The following MAPK12 variants were observed in gnomAD, a reference collection of about 807,000 sequenced individuals.
The protein encoded by MAPK12 is MAP kinase 12.
MAPK12 carries 49 observed loss-of-function variants against 49.1 expected under a neutral mutation model. The ratio of observed to expected loss-of-function variants is 1.00; its 90% CI spans 0.79 to 1.27. The LOEUF (loss-of-function observed/expected upper bound fraction) is 1.27, where lower values mean the gene tolerates loss of function less well. Among genes scored for constraint, MAPK12 ranks in the 50% most tolerant of loss-of-function variants. The probability of loss-of-function intolerance (pLI) is 0.00; values close to 1 mark genes in which losing one functional copy is unlikely to be tolerated. For missense variants in MAPK12, 554 were observed against 502.4 expected (o/e 1.10, Z -0.98); for synonymous variants, 251 against 209.7 (o/e 1.20, Z -1.70).
intron 2 of MAPK12, among the ~76,000 whole-genome samples, chr22:50,258,771 T>TA (rs1156308697): frequency 6.6e-6 from 1 of 152,132 alleles, no homozygotes; most frequent in East Asian, 1.9e-4. Flanking sequence ...GTTGGGGAGA[T>TA]AGACAGTAGA....
chr22:50,261,489 G>A lies in MAPK12; in HGVS notation c.21C>T (p.Ala7=). 1.6e-6 allele frequency: 2 copies of A among 1,254,888 alleles called. No homozygotes were observed. 77.7% of individuals were successfully genotyped at this position (1,254,888 alleles called of 1,614,324 possible). The change falls in exon 1 of 12, where the codon GCC becomes GCT. Residue 7 remains alanine, a synonymous_variant. Coordinates refer to ENST00000215659, the MANE Select transcript of MAPK12 (RefSeq NM_002969.6). ...CCTCCTGGCGGTAAAAGCCACTGCG[G>A]GCGGGCGGCGGAGAGCTCATGGCAG... MSSPPP[A]RSGFYRQEVT... is the part of the protein sequence containing the mutation.
chr22:50,257,564 G>A, intron 3 of MAPK12: 1 of 536,580 alleles, frequency 1.9e-6, no homozygotes, highest in East Asian at 3.2e-5. Flanking sequence ...AGGGGAGGGA[G>A]GCAGTCAGGT....
intron 11 of MAPK12, 170 bp downstream of exon 11, chr22:50,255,027 C>T: frequency 6.7e-7 from 1 of 1,488,972 alleles, no homozygotes; most frequent in Non-Finnish European, 8.9e-7. Context: ...GACTCTGAGC[C>T]TGGCCACCTG....
At chr22:50,258,041 C>G in intron 3 of MAPK12, 1 of 723,732 alleles carries the variant, frequency 1.4e-6, no homozygotes, top group African/African-American at 1.7e-5. Context: ...CAGCTCTGCC[C>G]AGCTGTGCCA....
chr22:50,257,232 A>G (rs1241749737), intron 3 of MAPK12, 39 bp from the exon 4 acceptor site: 2 of 1,535,596 alleles, frequency 1.3e-6, no homozygotes, highest in Admixed American at 1.7e-5. Flanking sequence ...GGACAGAGCC[A>G]GCCTCTGCAT....
intron 11 of MAPK12, chr22:50,254,935 T>A: frequency 7.3e-7 from 1 of 1,364,712 alleles, no homozygotes; most frequent in Non-Finnish European, 9.5e-7. Context: ...CCAGAGGTCA[T>A]CTCCACCAGG....
In MAPK12 at chr22:50,255,119, A is replaced by G. The variant is rs976678340; in HGVS notation, c.1024+78T>C. The G allele has an allele frequency of 9.3e-6, 14 of 1,512,408 alleles. 1 individual carries two copies. Among genetic ancestry groups the G allele is most frequent in the Middle Eastern group, 1.7e-4 (1 of 5,742 alleles). The allele number at this position is 1,512,408 out of a possible 1,614,324, so 93.7% of individuals were successfully genotyped here. ...ACACAGGCCCTACCCGGAGCCCCCA[A>G]CTCACAGGTCCACACAGGCCCTGCC... On this transcript the variant is annotated intron_variant, in intron 11 of 11. Transcript: ENST00000215659.
rs772354133 is a variant in MAPK12, at chr22:50,256,635, G to A, written c.468C>T (p.Pro156=). The change falls in exon 6 of 12, where the codon CCC becomes CCT. Residue 156 remains proline (P), a synonymous_variant. Coordinates refer to ENST00000215659, the MANE Select transcript of MAPK12 (RefSeq NM_002969.6). ...AAGIIHRDLK[P]GNLAVNEDCE... is the part of the protein sequence containing the mutation. ...AGTCTTCGTTCACAGCCAGGTTGCCGGGCTTCAGGTCCTGGGGGCAGAGGA... is the reference window on the plus strand; with the variant it reads ...AGTCTTCGTTCACAGCCAGGTTGCCAGGCTTCAGGTCCTGGGGGCAGAGGA... 31 of 1,611,346 alleles carry A rather than the reference G, an allele frequency of 1.9e-5. No homozygotes were observed. Among genetic ancestry groups the A allele is most frequent in the South Asian group, 8.8e-5 (8 of 90,936 alleles).
intron 2 of MAPK12, 143 bp downstream of exon 2, chr22:50,261,021 CCTT>C (rs893202062): frequency 3.5e-5 from 33 of 935,622 alleles, no homozygotes; most frequent in Non-Finnish European, 3.1e-5. Flanking sequence ...GCCTTGCTCT[CCTT>C]CTCCCCTGGG....
intron 6 of MAPK12, 148 bp from the exon 7 acceptor site, chr22:50,256,347 G>T: frequency 1.3e-6 from 1 of 742,752 alleles, no homozygotes; most frequent in Non-Finnish European, 2.2e-6. Context: ...CCACGCCCTC[G>T]GACCCCAAAC....
intron 11 of MAPK12, chr22:50,253,713 C>T (rs1443750567): frequency 1.7e-6 from 1 of 576,084 alleles, no homozygotes; most frequent in African/African-American, 1.9e-5. Context: ...ACGGTCTGTC[C>T]TAAGAGCTGA....
chr22:50,254,108 G>A (rs1157843796), intron 11 of MAPK12: 1 of 154,476 alleles, frequency 6.5e-6, no homozygotes, highest in Non-Finnish European at 1.4e-5. Context: ...CAGAAATGAA[G>A]CCAGGTCCAG....
At position 50,253,347 on chromosome 22, in the gene MAPK12, T is replaced by C. The variant is rs761287649; in HGVS notation, c.*54A>G. 2 of 1,322,328 alleles carry C rather than the reference T, an allele frequency of 1.5e-6. No individual in the cohort carries two copies. The highest frequency in any genetic ancestry group is 2.1e-6 in the Non-Finnish European group (2 of 938,984). 81.9% of individuals were successfully genotyped at this position (1,322,328 alleles called of 1,614,324 possible). ...GGTCAAGGTGGCAACGAGAGTCCCCTCTCAGGTGGAAGGTGAAGGTGGTCC... is the reference window on the plus strand; with the variant it reads ...GGTCAAGGTGGCAACGAGAGTCCCCCCTCAGGTGGAAGGTGAAGGTGGTCC... On this transcript the variant is annotated 3_prime_UTR_variant, in exon 12 of 12. Transcript: ENST00000215659.
In MAPK12 at chr22:50,256,617, G is replaced by A. The variant is rs569701011; in HGVS notation, c.486C>T (p.Asn162=). The A allele has an allele frequency of 1.2e-4, 194 of 1,611,816 alleles. No homozygotes were observed. The South Asian group carries it at 1.4e-3, about 12-fold the overall frequency. Residue 162 remains asparagine (N), a synonymous_variant, in exon 6 of 12, where the codon AAC becomes AAT. Coordinates refer to ENST00000215659, the MANE Select transcript of MAPK12 (RefSeq NM_002969.6). ...CACACACCTTCAGCTCACAGTCTTC[G>A]TTCACAGCCAGGTTGCCGGGCTTCA... ...RDLKPGNLAV[N]EDCELKILDF... is the part of the protein sequence containing the mutation.
intron 11 of MAPK12, chr22:50,253,775 C>T (rs539683197): frequency 1.2e-5 from 6 of 482,738 alleles, no homozygotes; most frequent in African/African-American, 9.7e-5. Context: ...TCCTATGGCC[C>T]ATGGCTTTCA....
rs1250654121 is a variant in MAPK12 at position 50,255,459 on chromosome 22, G to T, written c.844C>A (p.Pro282Thr). Residue 282 changes from proline to threonine, a missense_variant, in exon 10 of 12, where the codon CCT becomes ACT. Coordinates refer to ENST00000215659, the MANE Select transcript of MAPK12 (RefSeq NM_002969.6). ...CCACACTAGCCAGCCGTACCCAGAG[G>T]GCTTGCATTGGTCAGGATAGAGGCA... ...DFASILTNAS[P>T]LAVNLLEKML... 1 of 1,613,150 alleles carries T rather than the reference G, an allele frequency of 6.2e-7. No individual in the cohort carries two copies. Among genetic ancestry groups the T allele is most frequent in the South Asian group, 1.1e-5 (1 of 91,092 alleles).
rs377666525 is a variant in MAPK12, at chr22:50,259,611, G to A, written c.256-1310C>T. Among the ~76,000 whole-genome samples, 171 of 152,218 alleles carry A rather than the reference G, an allele frequency of 1.1e-3. 2 individuals are homozygous for A. Among genetic ancestry groups the A allele is most frequent in the Middle Eastern group, 3.4e-3 (1 of 294 alleles). On this transcript the variant is annotated intron_variant, in intron 2 of 11. Coordinates refer to ENST00000215659, the MANE Select transcript of MAPK12 (RefSeq NM_002969.6). ...GAAAAGCCCCGGTGGAGCCCGGCGC[G>A]GTGGCTCACGCCTGTAACCCCAGCA...
Position 50,257,151 on chromosome 22 carries a change from G to A in MAPK12, c.357C>T (p.Leu119=), listed in dbSNP as rs2065159217. The part of the protein sequence containing the change: ...MPFMGTDLGK[L]MKHEKLGEDR... The stretch of plus-strand genomic sequence containing the variant: ...CCTCGCCTAGCTTCTCATGTTTCAT[G>A]AGCTTGCCCAGGTCGGTGCCCATGA... Residue 119 remains leucine, a synonymous_variant, in exon 4 of 12, where the codon CTC becomes CTT. Coordinates refer to ENST00000215659, the MANE Select transcript of MAPK12 (RefSeq NM_002969.6). 1.2e-6 allele frequency: 2 copies of A among 1,612,746 alleles called. No individual in the cohort carries two copies. The highest frequency in any genetic ancestry group is 2.2e-5 in the South Asian group (2 of 91,092).
In MAPK12 at chr22:50,261,423, G is replaced by T; in HGVS notation, c.87C>A (p.Asp29Glu). The T allele has an allele frequency of 8.0e-7, 1 of 1,257,862 alleles. No individual in the cohort carries two copies. The allele number at this position is 1,257,862 out of a possible 1,614,324, so 77.9% of individuals were successfully genotyped here. A position where few individuals can be genotyped will look rare whatever the true frequency, so the allele number is the denominator to read the frequency against. Residue 29 changes from aspartate (D) to glutamate (E), a missense_variant, in exon 1 of 12, where the codon GAC (aspartate) becomes GAA (glutamate). Transcript: ENST00000215659. The stretch of plus-strand genomic sequence containing the variant: ...AGGCGCCCGAGCCCACGGGCTGCAG[G>T]TCCCGGTACACGGCGCGCACCTCCC... ...TAWEVRAVYR[D>E]LQPVGSGAYG...
Sources: allele counts gnomAD v4.1 joint callset (sites outside exome capture counted in the v4.1 genomes callset), GRCh38; gene constraint gnomAD v4.1.1; transcripts MANE v1.5; gene names NCBI Gene and HGNC (gene_info 2026-07-23, HGNC 2026-07-21).